The following KCNMB2 variants were observed in gnomAD, a reference collection of about 807,000 sequenced individuals.
KCNMB2 encodes calcium-activated potassium channel subunit beta-2.
KCNMB2 carries 9 observed loss-of-function variants against 24.5 expected under a neutral mutation model. The observed-to-expected ratio is 0.37, with a 90% confidence interval of 0.22 to 0.64. The LOEUF is 0.64. Among genes scored for constraint, KCNMB2 ranks in the 30% least tolerant of loss-of-function variants. The probability of loss-of-function intolerance (pLI) is 0.63; values close to 1 mark genes in which losing one functional copy is unlikely to be tolerated. For synonymous variants in KCNMB2, 109 were observed against 104.4 expected, an observed-to-expected ratio of 1.04 and a Z score of -0.27; for missense variants, 226 against 284.3, an observed-to-expected ratio of 0.79 and a Z score of 1.47.
At chr3:178,631,490 C>A (rs1162034160) in intron 1 of KCNMB2, among the ~76,000 whole-genome samples, 1 of 152,248 alleles carries the variant, frequency 6.6e-6, no homozygotes, top group Non-Finnish European at 1.5e-5. Flanking sequence ...ATGCGGCTGG[C>A]ATTCCTTAAT....
At chr3:178,727,210 G>A (rs964135404) in intron 1 of KCNMB2, among the ~76,000 whole-genome samples, 8 of 151,984 alleles carry the variant, frequency 5.3e-5, no homozygotes, top group African/African-American at 1.9e-4. Flanking sequence ...AATACATATT[G>A]CTCTCATCTA....
intron 1 of KCNMB2, among the ~76,000 whole-genome samples, chr3:178,558,470 A>G (rs1716201503): frequency 6.6e-6 from 1 of 152,196 alleles, no homozygotes; most frequent in Non-Finnish European, 1.5e-5. Context: ...AACAAGATGA[A>G]TAAGCTAGAA....
At chr3:178,642,177 C>T (rs1719752132) in intron 1 of KCNMB2, among the ~76,000 whole-genome samples, 1 of 152,092 alleles carries the variant, frequency 6.6e-6, no homozygotes, top group African/African-American at 2.4e-5. Flanking sequence ...GTGATTACTA[C>T]AGAAATACAC....
intron 1 of KCNMB2, among the ~76,000 whole-genome samples, chr3:178,578,550 G>C (rs1011188174): frequency 6.6e-6 from 1 of 152,138 alleles, no homozygotes; most frequent in African/African-American, 2.4e-5. Flanking sequence ...AATGTAAACA[G>C]GCTAAATGCC....
intron 1 of KCNMB2, among the ~76,000 whole-genome samples, chr3:178,645,271 A>T (rs565640138): frequency 5.9e-5 from 9 of 151,890 alleles, no homozygotes; most frequent in Non-Finnish European, 1.2e-4. Flanking sequence ...GTTGGTCTCG[A>T]ACTCCCAACC....
chr3:178,776,912 A>G (rs1712603446), intron 1 of KCNMB2, among the ~76,000 whole-genome samples: 1 of 152,194 alleles, frequency 6.6e-6, no homozygotes, highest in Non-Finnish European at 1.5e-5. Context: ...TGCAACCTTC[A>G]TCAGTAAAAT....
chr3:178,731,382 C>A (rs921936316), intron 1 of KCNMB2, among the ~76,000 whole-genome samples: 2 of 152,186 alleles, frequency 1.3e-5, no homozygotes, highest in Admixed American at 6.5e-5. Flanking sequence ...TTGTGAGGGG[C>A]TTTCCTGTGT....
At chr3:178,780,143 C>T (rs1300233275) in intron 1 of KCNMB2, among the ~76,000 whole-genome samples, 3 of 150,268 alleles carry the variant, frequency 2.0e-5, no homozygotes, top group Non-Finnish European at 3.0e-5. Context: ...CTGATTGATA[C>T]TTAGATTGCC....
At chr3:178,789,941 C>CT (rs919216394) in intron 1 of KCNMB2, among the ~76,000 whole-genome samples, 1 of 151,772 alleles carries the variant, frequency 6.6e-6, no homozygotes, top group African/African-American at 2.4e-5. Context: ...TAAGGGAGTA[C>CT]TTGTGTCACC....
At chr3:178,749,722 CAA>C (rs1263417871) in intron 1 of KCNMB2, among the ~76,000 whole-genome samples, 2 of 152,100 alleles carry the variant, frequency 1.3e-5, no homozygotes, top group East Asian at 3.8e-4. Flanking sequence ...TGGCATTGCT[CAA>C]AGTTCTGAGT....
chr3:178,794,487 C>T (rs776839608), intron 1 of KCNMB2, among the ~76,000 whole-genome samples: 2 of 152,174 alleles, frequency 1.3e-5, no homozygotes, highest in Non-Finnish European at 2.9e-5. Flanking sequence ...AGGAGGCCTG[C>T]AGGAGTTGCT....
intron 1 of KCNMB2, among the ~76,000 whole-genome samples, chr3:178,725,496 G>C (rs1002257478): frequency 6.6e-6 from 1 of 152,000 alleles, no homozygotes; most frequent in African/African-American, 2.4e-5. Context: ...AACAACTTTA[G>C]TAAAGTCTCA....
At chr3:178,681,869 T>C (rs1292126346) in intron 1 of KCNMB2, among the ~76,000 whole-genome samples, 2 of 152,234 alleles carry the variant, frequency 1.3e-5, no homozygotes, top group Non-Finnish European at 2.9e-5. Flanking sequence ...AGTGGACTTA[T>C]GGAATGGTCT....
At chr3:178,668,310 C>T (rs1301813162) in intron 1 of KCNMB2, among the ~76,000 whole-genome samples, 2 of 152,030 alleles carry the variant, frequency 1.3e-5, no homozygotes, top group African/African-American at 4.8e-5. Context: ...GAAGGGTCCA[C>T]AATATTTTCA....
intron 1 of KCNMB2, among the ~76,000 whole-genome samples, chr3:178,620,459 C>G (rs1230444104): frequency 6.6e-6 from 1 of 152,164 alleles, no homozygotes; most frequent in East Asian, 1.9e-4. Context: ...TATTACAATT[C>G]TTGAGGCTGA....
intron 1 of KCNMB2, among the ~76,000 whole-genome samples, chr3:178,661,890 C>G (rs1298609661): frequency 6.6e-6 from 1 of 152,142 alleles, no homozygotes; most frequent in Admixed American, 6.6e-5. Flanking sequence ...ATACACACTA[C>G]TAGATCTATA....
chr3:178,559,699 A>G (rs974856408), intron 1 of KCNMB2, among the ~76,000 whole-genome samples: 1 of 147,934 alleles, frequency 6.8e-6, no homozygotes, highest in East Asian at 1.9e-4. Context: ...CAGTATTTTT[A>G]GTGATGAGGA....
At chr3:178,717,677 G>A (rs1250784058) in intron 1 of KCNMB2, among the ~76,000 whole-genome samples, 1 of 152,142 alleles carries the variant, frequency 6.6e-6, no homozygotes, top group Non-Finnish European at 1.5e-5. Context: ...GCCCTTTAGA[G>A]CTTACAAAGT....
chr3:178,692,693 A>G (rs760732031), intron 1 of KCNMB2, among the ~76,000 whole-genome samples: 1 of 152,064 alleles, frequency 6.6e-6, no homozygotes, highest in Non-Finnish European at 1.5e-5. Flanking sequence ...CTCTGGCTTT[A>G]TACCTTTTGC....
Sources: allele counts gnomAD v4.1 joint callset (sites outside exome capture counted in the v4.1 genomes callset), GRCh38; gene constraint gnomAD v4.1.1; transcripts MANE v1.5; gene names NCBI Gene and HGNC (gene_info 2026-07-23, HGNC 2026-07-21).